The following HDAC7 variants were observed in gnomAD, a reference collection of about 807,000 sequenced individuals.
HDAC7 encodes the protein histone deacetylase 7.
HDAC7 carries 26 observed loss-of-function variants against 115.5 expected under a neutral mutation model. The observed-to-expected ratio is 0.23, with a 90% CI of 0.16 to 0.31. The LOEUF (loss-of-function observed/expected upper bound fraction) is 0.31. Ranked by LOEUF, HDAC7 falls within the 10% of genes least tolerant of loss-of-function variation. HDAC7 has a pLI of 1.00. For synonymous variants in HDAC7, 564 were observed against 550.9 expected, an observed-to-expected ratio of 1.02 and a Z score of -0.33; for missense variants, 1,068 against 1,329.0, an observed-to-expected ratio of 0.80 and a Z score of 3.05.
At position 47,793,594 on chromosome 12, in the gene HDAC7, G is replaced by A. The variant is rs1045270516; in HGVS notation, c.1459-6C>T. On this transcript the variant is annotated splice_region_variant and splice_polypyrimidine_tract_variant and intron_variant, in intron 12 of 25. Transcript: ENST00000080059. This position sits in a 1 kb window ranked among gnomAD's most constrained non-coding sequence, Gnocchi z 4.5. The stretch of plus-strand genomic sequence containing the variant: ...TGCTGTTCCCAGAGCAACACCTAGG[G>A]GAAAGATGGGGCCTTGGTCTCCAGT... 8 of 1,529,864 alleles carry A rather than the reference G, an allele frequency of 5.2e-6. No individual in the cohort carries two copies. The Admixed American group carries it at 1.6e-4, about 30-fold the overall frequency. 94.8% of individuals were successfully genotyped at this position (1,529,864 alleles called of 1,614,324 possible).
chr12:47,785,232 C>G (rs1043513188), intron 24 of HDAC7, 155 bp downstream of exon 24: 4 of 676,850 alleles, frequency 5.9e-6, no homozygotes, highest in East Asian at 2.6e-5. Context: ...GGGGTGCTCA[C>G]CATTGCTGCC....
rs775662592 is a variant in HDAC7 at position 47,796,315 on chromosome 12, G to A, written c.704-17C>T. On this transcript the variant is annotated splice_polypyrimidine_tract_variant and intron_variant, in intron 7 of 25. Transcript: ENST00000080059. ...GGGAGGAGTCTGAGGGTTGGGGAGA[G>A]AGGGAAGTGCAGTCAGAGGCCAGGG... The A allele has an allele frequency of 3.2e-6, 5 of 1,581,442 alleles. No individual in the cohort carries two copies. Among genetic ancestry groups the A allele is most frequent in the East Asian group, 2.3e-5 (1 of 44,216 alleles).
chr12:47,807,969 T>G (rs1157821446), intron 1 of HDAC7, among the ~76,000 whole-genome samples: 1 of 152,218 alleles, frequency 6.6e-6, no homozygotes, highest in Non-Finnish European at 1.5e-5. Flanking sequence ...ACCATTTCTC[T>G]GTATAGGCAG....
intron 1 of HDAC7, among the ~76,000 whole-genome samples, chr12:47,808,195 C>T (rs1944485107): frequency 6.6e-6 from 1 of 152,212 alleles, no homozygotes; most frequent in South Asian, 2.1e-4. Context: ...CTATTTTTAG[C>T]TCTTGACACC....
chr12:47,800,382 A>G lies in HDAC7; in HGVS notation c.71-1410T>C, dbSNP rs1944104207. Among the ~76,000 whole-genome samples the G allele has an allele frequency of 2.0e-5, 3 of 152,292 alleles. No homozygotes were observed. In the South Asian group the frequency reaches 6.2e-4, roughly 32 times the overall value. On this transcript the variant is annotated intron_variant, in intron 2 of 25. Transcript: ENST00000080059. ...AAAGAGGGGTTTGCAGTAGGCTGTC[A>G]TTAAAGGGCATTCACTCTAACATTC...
Position 47,791,569 on chromosome 12 carries a change from G to A in HDAC7, c.1933+17C>T. The A allele has an allele frequency of 1.9e-6, 3 of 1,596,696 alleles. No homozygotes were observed. The highest frequency in any genetic ancestry group is 1.7e-4 in the Middle Eastern group (1 of 5,980). ...GAGGTAAGCTGGCATGGGGAGACAGGGCCACTAGGCCATTACCTGCCAGCT... is the reference window on the plus strand; with the variant it reads ...GAGGTAAGCTGGCATGGGGAGACAGAGCCACTAGGCCATTACCTGCCAGCT... On this transcript the variant is annotated intron_variant, in intron 15 of 25. Coordinates refer to ENST00000080059, the MANE Select transcript of HDAC7 (RefSeq NM_015401.5).
In HDAC7 at chr12:47,798,232, A is replaced by G; in HGVS notation, c.350-13T>C. 1 of 1,601,664 alleles carries G rather than the reference A, an allele frequency of 6.2e-7. No individual in the cohort carries two copies. The highest frequency in any genetic ancestry group is 8.6e-7 in the Non-Finnish European group (1 of 1,169,116). ...CTGGCTACAGCACCTGTAGGGGCAG[A>G]GTCAGGAGGGGGCTGGAGGTGGGTG... On this transcript the variant is annotated splice_polypyrimidine_tract_variant and intron_variant, in intron 4 of 25. Transcript: ENST00000080059. This position sits in a 1 kb window ranked among gnomAD's most constrained non-coding sequence, Gnocchi z 4.3.
At position 47,798,392 on chromosome 12, in the gene HDAC7, C is replaced by A. The variant is rs1360370336; in HGVS notation, c.349+170G>T. On this transcript the variant is annotated intron_variant, in intron 4 of 25. Coordinates refer to ENST00000080059, the MANE Select transcript of HDAC7 (RefSeq NM_015401.5). This position sits in a 1 kb window ranked among gnomAD's most constrained non-coding sequence, Gnocchi z 4.3. ...TAGAGCCTCCAGACACCACCCCCCA[C>A]CCCCACATCCCCCACACATTCACAG... Among the ~76,000 whole-genome samples, 2 of 151,746 alleles carry A rather than the reference C, an allele frequency of 1.3e-5. No homozygotes were observed. The highest frequency in any genetic ancestry group is 4.8e-5 in the African/African-American group (2 of 41,276).
chr12:47,808,725 G>A (rs1483937309), intron 1 of HDAC7, among the ~76,000 whole-genome samples: 1 of 152,202 alleles, frequency 6.6e-6, no homozygotes, highest in Non-Finnish European at 1.5e-5. Flanking sequence ...TGGAGGGCCT[G>A]CATCTACTTC....
intron 16 of HDAC7, chr12:47,790,845 T>G: frequency 4.1e-6 from 1 of 245,330 alleles, no homozygotes; most frequent in Non-Finnish European, 8.1e-6. Flanking sequence ...ACCACCGTGA[T>G]GTCACACCAG....
chr12:47,791,859 G>A lies in HDAC7; in HGVS notation c.1812+12C>T, dbSNP rs200676109. The stretch of plus-strand genomic sequence containing the variant: ...TCCACCCATTCCTCGGGCCCCACCC[G>A]CGCCTCCTCACCTCACACTGGCTCC... On this transcript the variant is annotated intron_variant, in intron 14 of 25. Coordinates refer to ENST00000080059, the MANE Select transcript of HDAC7 (RefSeq NM_015401.5). 3.6e-4 allele frequency: 428 copies of A among 1,188,148 alleles called. 3 individuals carry two copies. In the East Asian group the frequency reaches 0.019, roughly 52 times the overall value. The allele number at this position is 1,188,148 out of a possible 1,614,324, so 73.6% of individuals were successfully genotyped here. A position where few individuals can be genotyped will look rare whatever the true frequency, so the allele number is the denominator to read the frequency against.
At chr12:47,784,905 T>A (rs1943080718) in intron 24 of HDAC7, 1 of 774,974 alleles carries the variant, frequency 1.3e-6, no homozygotes, top group South Asian at 1.7e-5. Context: ...TTATCCCTAG[T>A]ATAGATTATG....
intron 24 of HDAC7, chr12:47,784,907 T>C: frequency 1.3e-6 from 1 of 762,916 alleles, no homozygotes; most frequent in Non-Finnish European, 2.1e-6. Context: ...ATCCCTAGTA[T>C]AGATTATGGG....
Position 47,787,725 on chromosome 12 carries a change from G to C in HDAC7, c.2440C>G (p.Leu814Val), listed in dbSNP as rs749303937. Residue 814 changes from leucine (L) to valine (V), a missense_variant, in exon 21 of 26, where the codon CTG (leucine) becomes GTG (valine). Leu to Val is a conservative substitution (Grantham distance 32). Transcript: ENST00000080059. ...CAGAGCACGTACCTGAAAGCAGCCA[G>C]GTACTCAGGATCCCCCATGGGGGGG... ...LDPPMGDPEYLAAFRIVVMPI... is the reference protein window; with the variant it reads ...LDPPMGDPEYVAAFRIVVMPI... 1.9e-5 allele frequency: 30 copies of C among 1,610,510 alleles called. No homozygotes were observed. In the Admixed American group the frequency reaches 3.2e-4, roughly 17 times the overall value.
intron 19 of HDAC7, 45 bp downstream of exon 19, chr12:47,789,216 C>G (rs57288399): frequency 7.0e-7 from 1 of 1,437,986 alleles, no homozygotes; most frequent in South Asian, 1.1e-5. Context: ...CAGGGCTTTT[C>G]CCCCAGGGCT....
At position 47,795,198 on chromosome 12, in the gene HDAC7, C is replaced by T. The variant is rs763006987; in HGVS notation, c.1270G>A (p.Val424Ile). Residue 424 changes from valine to isoleucine, a missense_variant, in exon 11 of 26, where the codon GTC becomes ATC. Val to Ile is a conservative substitution (Grantham distance 29, BLOSUM62 3). This residue lies in a region of HDAC7 where 618 missense variants were observed against 701.5 expected (regional missense o/e 0.88). Transcript: ENST00000080059. The surrounding 1 kb of genome is among the most constrained non-coding windows in gnomAD (Gnocchi z 4.3). ...QPRLEQLKTH[V>I]QVIKRSAKPS... ...ATTCCTCTCACCTTGATCACCTGGA[C>T]GTGAGTTTTGAGCTGCTCCAGGCGG... The T allele has an allele frequency of 1.2e-5, 20 of 1,612,452 alleles. No individual in the cohort carries two copies. Among genetic ancestry groups the T allele is most frequent in the East Asian group, 4.5e-5 (2 of 44,868 alleles).
upstream of HDAC7, among the ~76,000 whole-genome samples, chr12:47,820,172 C>T (rs1194189534): frequency 6.6e-6 from 1 of 151,390 alleles, no homozygotes; most frequent in African/African-American, 2.4e-5. This position sits in a 1 kb window ranked among gnomAD's most constrained non-coding sequence, Gnocchi z 4.3. Context: ...GGCCGCGGCT[C>T]CGAGCCCCAG....
In HDAC7 at chr12:47,798,050, C is replaced by T. The variant is rs768693123; in HGVS notation, c.461+58G>A. 13 of 1,019,950 alleles carry T rather than the reference C, an allele frequency of 1.3e-5. No homozygotes were observed. Among genetic ancestry groups the T allele is most frequent in the South Asian group, 8.8e-5 (7 of 79,182 alleles). The allele number at this position is 1,019,950 out of a possible 1,614,324, so 63.2% of individuals were successfully genotyped here. A position where few individuals can be genotyped will look rare whatever the true frequency, so the allele number is the denominator to read the frequency against. ...CAAGTGTGTGTGCTCATGGCTAACACGGGGGCGGGGGTGGAGGGTGCATGT... is the reference window on the plus strand; with the variant it reads ...CAAGTGTGTGTGCTCATGGCTAACATGGGGGCGGGGGTGGAGGGTGCATGT... On this transcript the variant is annotated intron_variant, in intron 5 of 25. Coordinates refer to ENST00000080059, the MANE Select transcript of HDAC7 (RefSeq NM_015401.5). This position sits in a 1 kb window ranked among gnomAD's most constrained non-coding sequence, Gnocchi z 4.3.
Position 47,798,206 on chromosome 12 carries a change from G to A in HDAC7, c.363C>T (p.Ser121=). The A allele has an allele frequency of 6.2e-7, 1 of 1,613,546 alleles. No homozygotes were observed. Among genetic ancestry groups the A allele is most frequent in the Non-Finnish European group, 8.5e-7 (1 of 1,179,680 alleles). ...CCGCTAGCTTCTGCTTGACCACGCTGCTGGCTACAGCACCTGTAGGGGCAG... is the reference window on the plus strand; with the variant it reads ...CCGCTAGCTTCTGCTTGACCACGCTACTGGCTACAGCACCTGTAGGGGCAG... ...KDKSKRSAVA[S]SVVKQKLAEV... is the part of the protein sequence containing the mutation. Residue 121 remains serine, a synonymous_variant, in exon 5 of 26, where the codon AGC becomes AGT. Coordinates refer to ENST00000080059, the MANE Select transcript of HDAC7 (RefSeq NM_015401.5). This position sits in a 1 kb window ranked among gnomAD's most constrained non-coding sequence, Gnocchi z 4.3.
Sources: gnomAD v4.1 joint callset for allele counts (sites outside exome capture counted in the v4.1 genomes callset) on GRCh38, gnomAD v4.1.1 for gene constraint, gnomAD v4.1.1 regional missense constraint, Gnocchi (gnomAD v3.1) non-coding constraint, MANE v1.5 for transcripts, NCBI Gene and HGNC (gene_info 2026-07-23, HGNC 2026-07-21) for gene names.